KCNK9: variants seen among roughly 807,000 people sequenced by gnomAD.
The protein encoded by KCNK9 is potassium channel subfamily K member 9.
A neutral mutation model predicts 10.8 loss-of-function variants in KCNK9; 1 was observed. The ratio of observed to expected loss-of-function variants is 0.09; its 90% confidence interval spans 0.03 to 0.44. The LOEUF is 0.44. Among genes scored for constraint, KCNK9 ranks in the 20% least tolerant of loss-of-function variants. KCNK9 has a pLI of 0.97. For synonymous variants in KCNK9, 231 were observed against 222.7 expected (o/e 1.04, Z -0.33); for missense variants, 303 against 515.0 (o/e 0.59, Z 3.98).
intron 1 of KCNK9, among the ~76,000 whole-genome samples, chr8:139,677,670 C>CACATCT: frequency 6.6e-6 from 1 of 152,004 alleles, no homozygotes; most frequent in African/African-American, 2.4e-5. Context: ...AGTAATACCT[C>CACATCT]GAGTCCCAGC....
intron 1 of KCNK9, among the ~76,000 whole-genome samples, chr8:139,638,601 C>G (rs2129641169): frequency 6.6e-6 from 1 of 152,298 alleles, no homozygotes; most frequent in Middle Eastern, 3.4e-3. Context: ...TCGCTGGGTC[C>G]CTTTGACTTT....
At chr8:139,685,853 G>A (rs749697606) in intron 1 of KCNK9, among the ~76,000 whole-genome samples, 5 of 152,138 alleles carry the variant, frequency 3.3e-5, no homozygotes, top group African/African-American at 4.8e-5. Flanking sequence ...TTGAGGGATC[G>A]CCATACTGTC....
intron 1 of KCNK9, among the ~76,000 whole-genome samples, chr8:139,673,232 C>T (rs192672642): frequency 6.0e-4 from 91 of 152,128 alleles, no homozygotes; most frequent in African/African-American, 2.0e-3. Flanking sequence ...GGCTACAGGG[C>T]ACAGGTTTTC....
chr8:139,699,489 C>A lies in KCNK9; in HGVS notation c.283+3221G>T, dbSNP rs1817146339. The stretch of plus-strand genomic sequence containing the variant: ...AACTACAGGGTACCTACGAGGGTCT[C>A]CCATGCAAAGGTCTAGCACTTCACA... On this transcript the variant is annotated intron_variant, in intron 1 of 1. Coordinates refer to ENST00000520439, the MANE Select transcript of KCNK9 (RefSeq NM_001282534.2). 2.6e-5 allele frequency among the ~76,000 whole-genome samples: 4 copies of A among 152,182 alleles called. No individual in the cohort carries two copies. In the South Asian group the frequency reaches 8.3e-4, roughly 32 times the overall value.
chr8:139,689,563 G>A (rs973365620), intron 1 of KCNK9, among the ~76,000 whole-genome samples: 4 of 152,128 alleles, frequency 2.6e-5, no homozygotes, highest in East Asian at 1.9e-4. Flanking sequence ...ATGGTATGTG[G>A]GAGAAGTGAC....
At chr8:139,657,804 C>T (rs1490056396) in intron 1 of KCNK9, among the ~76,000 whole-genome samples, 3 of 152,194 alleles carry the variant, frequency 2.0e-5, no homozygotes, top group South Asian at 2.1e-4. Flanking sequence ...AGAGGAGGGA[C>T]GTTATCACCC....
intron 1 of KCNK9, among the ~76,000 whole-genome samples, chr8:139,623,997 A>T (rs1166036725): frequency 6.6e-6 from 1 of 152,172 alleles, no homozygotes; most frequent in Non-Finnish European, 1.5e-5. Flanking sequence ...GCCCCGCAAG[A>T]GGCCACATCA....
chr8:139,620,913 G>A (rs1271998343), intron 1 of KCNK9, among the ~76,000 whole-genome samples: 2 of 152,172 alleles, frequency 1.3e-5, no homozygotes, highest in African/African-American at 4.8e-5. Flanking sequence ...AAGCCTGGGG[G>A]GAGCTGTAGG....
chr8:139,702,004 G>C lies in KCNK9; in HGVS notation c.283+706C>G, dbSNP rs994486643. 6.6e-6 allele frequency among the ~76,000 whole-genome samples: 1 copy of C among 152,140 alleles called. No homozygotes were observed. The highest frequency in any genetic ancestry group is 6.5e-5 in the Admixed American group (1 of 15,280). On this transcript the variant is annotated intron_variant, in intron 1 of 1. Transcript: ENST00000520439. The surrounding 1 kb of genome is among the most constrained non-coding windows in gnomAD (Gnocchi z 7.5). The stretch of plus-strand genomic sequence containing the variant: ...CCCAGTGTCACAGCCTAGGGAGTGG[G>C]CAGGTTCTGCCCTGCCCCCACTCTC...
At position 139,659,350 on chromosome 8, in the gene KCNK9, G is replaced by T. The variant is rs143394432; in HGVS notation, c.284-40251C>A. 6.6e-5 allele frequency among the ~76,000 whole-genome samples: 10 copies of T among 152,274 alleles called. No individual in the cohort carries two copies. In the East Asian group the frequency reaches 1.7e-3, roughly 27 times the overall value. ...CTCATGCCTAGGACTGAGGGTTCAG[G>T]CTGAGTTTCCCCTCTTGTCTTTGTC... On this transcript the variant is annotated intron_variant, in intron 1 of 1. Transcript: ENST00000520439.
chr8:139,651,392 T>A (rs2129675433), intron 1 of KCNK9, among the ~76,000 whole-genome samples: 1 of 152,318 alleles, frequency 6.6e-6, no homozygotes, highest in Non-Finnish European at 1.5e-5. Flanking sequence ...CAACCACACC[T>A]GGCCACCTGT....
At chr8:139,629,297 C>T (rs1175240332) in intron 1 of KCNK9, among the ~76,000 whole-genome samples, 1 of 152,344 alleles carries the variant, frequency 6.6e-6, no homozygotes, top group East Asian at 1.9e-4. Flanking sequence ...AAGGCCTACA[C>T]AGCGTGCCCC....
intron 1 of KCNK9, among the ~76,000 whole-genome samples, chr8:139,656,922 C>G (rs1305340504): frequency 1.3e-5 from 2 of 152,216 alleles, no homozygotes; most frequent in East Asian, 1.9e-4. Context: ...AGATGGGGCT[C>G]TCCCTTGCAG....
Position 139,618,947 on chromosome 8 carries a change from ACTT to A in KCNK9, c.433_435del (p.Lys145del), listed in dbSNP as rs1230498445. On this transcript the variant is annotated inframe_deletion, in exon 2 of 2. Coordinates refer to ENST00000520439, the MANE Select transcript of KCNK9 (RefSeq NM_001282534.2). The surrounding 1 kb of genome is among the most constrained non-coding windows in gnomAD (Gnocchi z 7.9). ...ACGTCAGTGTTGCGCATGCCACAGCACTTCTTAATGCGCTTCAGCAGGTAGCGC... is the reference window on the plus strand; with the variant it reads ...ACGTCAGTGTTGCGCATGCCACAGCACTTAATGCGCTTCAGCAGGTAGCGC... 1.9e-6 allele frequency: 3 copies of A among 1,614,226 alleles called. No individual in the cohort carries two copies. The highest frequency in any genetic ancestry group is 1.7e-5 in the Admixed American group (1 of 60,026).
intron 2 of KCNK9, among the ~76,000 whole-genome samples, chr8:139,602,478 G>T (rs1817395816): frequency 6.6e-6 from 1 of 152,188 alleles, no homozygotes; most frequent in Non-Finnish European, 1.5e-5. Flanking sequence ...TTGGAGGGTG[G>T]TGGGAGACCT....
intron 1 of KCNK9, among the ~76,000 whole-genome samples, chr8:139,657,088 A>G (rs1350928738): frequency 6.6e-6 from 1 of 151,722 alleles, no homozygotes; most frequent in African/African-American, 2.4e-5. Context: ...GCTGAATCCA[A>G]CTCTTCTTTT....
intron 2 of KCNK9, among the ~76,000 whole-genome samples, chr8:139,606,384 A>T (rs575299855): frequency 2.6e-5 from 4 of 152,180 alleles, no homozygotes; most frequent in African/African-American, 9.6e-5. Context: ...GGAGAGGAGG[A>T]ACACAAAAAT....
rs764816119 is a variant in KCNK9, at chr8:139,618,336, C to T, written c.1047G>A (p.Ser349=). 13 of 1,613,976 alleles carry T rather than the reference C, an allele frequency of 8.1e-6. No individual in the cohort carries two copies. The East Asian group carries it at 1.6e-4, about 19-fold the overall frequency. The change falls in exon 2 of 2, where the codon TCG becomes TCA. Residue 349 remains serine (S), a synonymous_variant. Transcript: ENST00000520439. This position sits in a 1 kb window ranked among gnomAD's most constrained non-coding sequence, Gnocchi z 7.9. ...ACCCAGGAGAGATGGAGCTAATAGGCGATGGGAAGAGGCTGTTTTTTAATG... is the reference window on the plus strand; with the variant it reads ...ACCCAGGAGAGATGGAGCTAATAGGTGATGGGAAGAGGCTGTTTTTTAATG... The part of the protein sequence containing the change: ...PSTLKNSLFP[S]PISSISPGLH...
intron 1 of KCNK9, among the ~76,000 whole-genome samples, chr8:139,671,543 C>T (rs1422885699): frequency 7.1e-6 from 1 of 141,758 alleles, no homozygotes. Context: ...TGGAGTCTTG[C>T]TCCGTTGCCC....
Sources: allele counts gnomAD v4.1 joint callset (sites outside exome capture counted in the v4.1 genomes callset), GRCh38; gene constraint gnomAD v4.1.1; non-coding constraint Gnocchi (gnomAD v3.1); transcripts MANE v1.5; gene names NCBI Gene and HGNC (gene_info 2026-07-23, HGNC 2026-07-21).